The following CDH13 variants were observed in gnomAD, a reference collection of about 807,000 sequenced individuals.
CDH13 encodes the protein cadherin 13.
A neutral mutation model predicts 63.8 loss-of-function variants in CDH13; 24 were observed. The observed-to-expected ratio is 0.38, with a 90% CI of 0.27 to 0.53. The LOEUF (loss-of-function observed/expected upper bound fraction) is 0.53, where lower values mean the gene tolerates loss of function less well. Among genes scored for constraint, CDH13 ranks in the 20% least tolerant of loss-of-function variants. The pLI is 0.85. For synonymous variants in CDH13, 503 were observed against 355.3 expected, an observed-to-expected ratio of 1.42 and a Z score of -4.67; for missense variants, 1,049 against 903.1, an observed-to-expected ratio of 1.16 and a Z score of -2.07.
At chr16:82,755,879 C>T (rs925997620) in intron 1 of CDH13, among the ~76,000 whole-genome samples, 1 of 152,102 alleles carries the variant, frequency 6.6e-6, no homozygotes, top group Non-Finnish European at 1.5e-5. Flanking sequence ...AACATGAACA[C>T]AATCAAGAAA....
intron 1 of CDH13, among the ~76,000 whole-genome samples, chr16:82,640,295 A>G (rs888127583): frequency 6.6e-5 from 10 of 152,296 alleles, no homozygotes; most frequent in African/African-American, 2.4e-4. Flanking sequence ...TTAGTAATAC[A>G]TACATGGCAT....
intron 2 of CDH13, among the ~76,000 whole-genome samples, chr16:82,888,372 C>G (rs12598386): frequency 0.21 from 31,654 of 152,200 alleles, 4,500 homozygotes; most frequent in East Asian, 0.71. Flanking sequence ...CTGTGACTGT[C>G]ATCAAGTTCT....
At chr16:83,344,393 A>C (rs2151363136) in intron 5 of CDH13, among the ~76,000 whole-genome samples, 1 of 152,322 alleles carries the variant, frequency 6.6e-6, no homozygotes, top group African/African-American at 2.4e-5. Context: ...TAGCCTGAGG[A>C]AAGCCCCCAA....
chr16:83,550,497 C>T (rs558404776), intron 7 of CDH13, among the ~76,000 whole-genome samples: 1 of 152,304 alleles, frequency 6.6e-6, no homozygotes, highest in South Asian at 2.1e-4. Flanking sequence ...GATAGGAGGT[C>T]AACTGCCAAG....
intron 1 of CDH13, among the ~76,000 whole-genome samples, chr16:82,670,028 G>A (rs1347789364): frequency 3.3e-5 from 5 of 152,198 alleles, no homozygotes; most frequent in Non-Finnish European, 7.3e-5. Context: ...GAGCAGATAC[G>A]GACTGGAAAG....
At chr16:83,181,344 G>T (rs1182574747) in intron 4 of CDH13, among the ~76,000 whole-genome samples, 1 of 152,206 alleles carries the variant, frequency 6.6e-6, no homozygotes, top group Non-Finnish European at 1.5e-5. Flanking sequence ...TGATAAGTCT[G>T]CAGAGGGGTC....
At chr16:83,395,358 G>C (rs2091868002) in intron 6 of CDH13, among the ~76,000 whole-genome samples, 1 of 151,858 alleles carries the variant, frequency 6.6e-6, no homozygotes, top group African/African-American at 2.4e-5. Context: ...AAGGCTCCTA[G>C]TGATCATCAA....
chr16:83,349,307 AG>A (rs1444517008), intron 6 of CDH13, among the ~76,000 whole-genome samples: 1 of 152,152 alleles, frequency 6.6e-6, no homozygotes, highest in Non-Finnish European at 1.5e-5. Context: ...GTTCATGAGT[AG>A]GGGGTAGAGG....
At chr16:83,495,812 A>G in intron 7 of CDH13, among the ~76,000 whole-genome samples, 1 of 152,180 alleles carries the variant, frequency 6.6e-6, no homozygotes, top group Non-Finnish European at 1.5e-5. Context: ...GGGCAAGTGA[A>G]GAAAAAAGGT....
rs1301272978 is a variant in CDH13, at chr16:83,146,355, G to A, written c.483+20854G>A. ...CCATCACCATGGCTTATGCCATGTA[G>A]GGGTTTGTCTGTCTCACATAGCAAG... On this transcript the variant is annotated intron_variant, in intron 4 of 13. Coordinates refer to ENST00000567109, the MANE Select transcript of CDH13 (RefSeq NM_001257.5). Among the ~76,000 whole-genome samples, 5 of 152,358 alleles carry A rather than the reference G, an allele frequency of 3.3e-5. No homozygotes were observed. The East Asian group carries it at 9.6e-4, about 29-fold the overall frequency.
At chr16:83,269,905 C>G (rs1041727634) in intron 5 of CDH13, among the ~76,000 whole-genome samples, 4 of 152,126 alleles carry the variant, frequency 2.6e-5, no homozygotes, top group African/African-American at 9.7e-5. Flanking sequence ...AAATGCATTT[C>G]TATGCTAAGT....
At chr16:83,580,944 C>T (rs1905537850) in intron 7 of CDH13, among the ~76,000 whole-genome samples, 1 of 152,192 alleles carries the variant, frequency 6.6e-6, no homozygotes, top group Non-Finnish European at 1.5e-5. Flanking sequence ...ATCTTTGTTA[C>T]ATAACAGATC....
intron 1 of CDH13, among the ~76,000 whole-genome samples, chr16:82,713,555 G>A (rs1312330281): frequency 6.6e-6 from 1 of 152,076 alleles, no homozygotes; most frequent in South Asian, 2.1e-4. Flanking sequence ...GTGGTCAAGA[G>A]TACGGACTCA....
At chr16:83,693,299 A>C (rs539652013) in intron 10 of CDH13, among the ~76,000 whole-genome samples, 2 of 152,304 alleles carry the variant, frequency 1.3e-5, no homozygotes, top group East Asian at 3.9e-4. Flanking sequence ...AGAATAAAAG[A>C]ATTCAGGGAA....
chr16:83,204,682 G>C (rs1338409125), intron 4 of CDH13, among the ~76,000 whole-genome samples: 1 of 152,154 alleles, frequency 6.6e-6, no homozygotes, highest in African/African-American at 2.4e-5. Flanking sequence ...TGTTAATCAG[G>C]ATAGGTTAGG....
chr16:82,643,371 C>T lies in CDH13; in HGVS notation c.45+16234C>T, dbSNP rs143083781. ...ACTTGCTTTACTTATATTAACACTGCGACTCCTCAAAAGATCCCCATTGTC... is the reference window on the plus strand; with the variant it reads ...ACTTGCTTTACTTATATTAACACTGTGACTCCTCAAAAGATCCCCATTGTC... On this transcript the variant is annotated intron_variant, in intron 1 of 13. Transcript: ENST00000567109. Among the ~76,000 whole-genome samples the T allele has an allele frequency of 2.2e-3, 341 of 152,242 alleles. 1 individual carries two copies. The highest frequency in any genetic ancestry group is 7.5e-3 in the African/African-American group (311 of 41,538).
rs1048614 is a variant in CDH13, at chr16:83,795,941, C to G, written c.*911C>G. The G allele has an allele frequency of 0.087, 13,272 of 152,658 alleles. 1,525 individuals carry two copies. The highest frequency in any genetic ancestry group is 0.27 in the African/African-American group (11,000 of 41,464). The allele number at this position is 152,658 out of a possible 1,614,324, so 9.5% of individuals were successfully genotyped here. ...CCTGTCATCATGGAGGTCATACATGCATACAAAGAGGTGTACAGGTACCAT... is the reference window on the plus strand; with the variant it reads ...CCTGTCATCATGGAGGTCATACATGGATACAAAGAGGTGTACAGGTACCAT... On this transcript the variant is annotated 3_prime_UTR_variant, in exon 14 of 14. Transcript: ENST00000567109.
chr16:83,765,536 TTC>T (rs980117185), intron 11 of CDH13, among the ~76,000 whole-genome samples: 4 of 55,050 alleles, frequency 7.3e-5, no homozygotes, highest in Non-Finnish European at 1.5e-4. Flanking sequence ...ATTAACATTT[TTC>T]TATATATATA....
At chr16:83,398,359 T>A (rs1167922707) in intron 6 of CDH13, among the ~76,000 whole-genome samples, 1 of 152,214 alleles carries the variant, frequency 6.6e-6, no homozygotes, top group Non-Finnish European at 1.5e-5. Flanking sequence ...TGGCCTCAGC[T>A]GCATCATTTT....
Sources: allele counts gnomAD v4.1 joint callset (sites outside exome capture counted in the v4.1 genomes callset), GRCh38; gene constraint gnomAD v4.1.1; transcripts MANE v1.5; gene names NCBI Gene and HGNC (gene_info 2026-07-23, HGNC 2026-07-21).